The following CMIP variants were observed in gnomAD, a reference collection of about 807,000 sequenced individuals.
CMIP encodes the protein C-Maf-inducing protein.
Under a neutral mutation model 97.3 loss-of-function variants are expected in CMIP, and 13 were observed. The observed-to-expected ratio is 0.13, with a 90% confidence interval of 0.09 to 0.21. CMIP has a LOEUF of 0.21. Ranked by LOEUF, CMIP falls within the 10% of genes least tolerant of loss-of-function variation. CMIP has a pLI of 1.00. For synonymous variants in CMIP, 538 were observed against 436.3 expected (o/e 1.23, Z -2.91); for missense variants, 847 against 1,024.9 (o/e 0.83, Z 2.37).
chr16:81,562,505 C>T (rs970686397), intron 1 of CMIP, among the ~76,000 whole-genome samples: 1 of 152,260 alleles, frequency 6.6e-6, no homozygotes, highest in Non-Finnish European at 1.5e-5. Context: ...AGCTGCGGGC[C>T]TCTTGGACCA....
At chr16:81,576,129 C>T (rs1033457734) in intron 1 of CMIP, among the ~76,000 whole-genome samples, 8 of 152,124 alleles carry the variant, frequency 5.3e-5, no homozygotes, top group African/African-American at 9.7e-5. Context: ...TGCGTCTAGG[C>T]GCAGTGGCTC....
chr16:81,650,972 G>T (rs570072224), intron 3 of CMIP, among the ~76,000 whole-genome samples: 1 of 152,128 alleles, frequency 6.6e-6, no homozygotes, highest in Non-Finnish European at 1.5e-5. Context: ...GATAGCGGTG[G>T]GTCCCTTGAC....
At chr16:81,672,136 C>G (rs948173348) in intron 9 of CMIP, 66 bp downstream of exon 9, 2 of 922,078 alleles carry the variant, frequency 2.2e-6, no homozygotes, top group Non-Finnish European at 3.5e-6. Context: ...CCATCATGGG[C>G]AAAGTCACCA....
intron 1 of CMIP, among the ~76,000 whole-genome samples, chr16:81,586,951 T>A (rs1378467425): frequency 6.6e-6 from 1 of 152,192 alleles, no homozygotes. Flanking sequence ...TCTGGGGTGT[T>A]CCGGAATTCT....
chr16:81,474,398 C>G (rs527333753), intron 1 of CMIP, among the ~76,000 whole-genome samples: 1 of 152,178 alleles, frequency 6.6e-6, no homozygotes, highest in African/African-American at 2.4e-5. Context: ...CTCTCTCTTT[C>G]CTTCACTCCC....
At chr16:81,609,601 T>C (rs9926468) in intron 2 of CMIP, among the ~76,000 whole-genome samples, 99,652 of 152,134 alleles carry the variant, frequency 0.66, 33,108 homozygotes, top group East Asian at 0.88. Flanking sequence ...GAGGCAACCG[T>C]GGAGGACTGG....
intron 1 of CMIP, among the ~76,000 whole-genome samples, chr16:81,521,848 G>T (rs1297366132): frequency 6.6e-6 from 1 of 152,122 alleles, no homozygotes; most frequent in Non-Finnish European, 1.5e-5. Flanking sequence ...AAAGGAGAAA[G>T]GTATCCTGAG....
At position 81,461,778 on chromosome 16, in the gene CMIP, T is replaced by A. The variant is rs141025183; in HGVS notation, c.300+16237T>A. Among the ~76,000 whole-genome samples the A allele has an allele frequency of 8.5e-3, 1,293 of 152,340 alleles. 23 individuals are homozygous for A. Among genetic ancestry groups the A allele is most frequent in the African/African-American group, 0.029 (1,226 of 41,568 alleles). ...ACATCCCAGCAATGCCTCTTGTTGCTTGTAACTCTGGGTAGATCACATGAG... is the reference window on the plus strand; with the variant it reads ...ACATCCCAGCAATGCCTCTTGTTGCATGTAACTCTGGGTAGATCACATGAG... On this transcript the variant is annotated intron_variant, in intron 1 of 20. Coordinates refer to ENST00000537098, the MANE Select transcript of CMIP (RefSeq NM_198390.3).
chr16:81,623,896 G>T (rs983250265), intron 3 of CMIP, among the ~76,000 whole-genome samples: 3 of 152,102 alleles, frequency 2.0e-5, no homozygotes, highest in African/African-American at 7.2e-5. Flanking sequence ...CAAGTGACTT[G>T]CCTACAGTTG....
intron 1 of CMIP, among the ~76,000 whole-genome samples, chr16:81,491,905 G>A (rs1268472978): frequency 6.6e-6 from 1 of 152,192 alleles, no homozygotes; most frequent in Non-Finnish European, 1.5e-5. Context: ...CGGAGATGAC[G>A]TTTTACCTAG....
chr16:81,528,444 G>A (rs540578720), intron 1 of CMIP, among the ~76,000 whole-genome samples: 4 of 152,310 alleles, frequency 2.6e-5, no homozygotes, highest in Admixed American at 2.6e-4. Context: ...TTGAAGCTGT[G>A]CTCATGCATT....
intron 1 of CMIP, among the ~76,000 whole-genome samples, chr16:81,465,863 G>T (rs1907171521): frequency 6.6e-6 from 1 of 152,214 alleles, no homozygotes; most frequent in South Asian, 2.1e-4. Flanking sequence ...GGTGTCAGGT[G>T]CCCGGCTGAG....
intron 3 of CMIP, among the ~76,000 whole-genome samples, chr16:81,648,828 A>G (rs1463702591): frequency 1.5e-5 from 2 of 137,138 alleles, no homozygotes; most frequent in Admixed American, 7.8e-5. Flanking sequence ...AAAGCCCTGA[A>G]GAGTTTAGGG....
chr16:81,588,229 G>A (rs749166786), intron 1 of CMIP, among the ~76,000 whole-genome samples: 10 of 152,190 alleles, frequency 6.6e-5, no homozygotes, highest in Non-Finnish European at 1.2e-4. Context: ...AGCAGAAAGG[G>A]AAAGACGGCT....
At position 81,691,854 on chromosome 16, in the gene CMIP, G is replaced by A; in HGVS notation, c.1454+14G>A. ...ATTCCCCAAAGAGTAAGTCCCGTGTGCATCCCCGGAGCCCTCCCACCTGTG... is the reference window on the plus strand; with the variant it reads ...ATTCCCCAAAGAGTAAGTCCCGTGTACATCCCCGGAGCCCTCCCACCTGTG... On this transcript the variant is annotated intron_variant, in intron 11 of 20. Transcript: ENST00000537098. The A allele has an allele frequency of 6.2e-7, 1 of 1,610,920 alleles. No individual in the cohort carries two copies.
chr16:81,642,717 G>A (rs1448138959), intron 3 of CMIP, among the ~76,000 whole-genome samples: 6 of 152,098 alleles, frequency 3.9e-5, no homozygotes, highest in Non-Finnish European at 7.4e-5. Context: ...TCAACATGGC[G>A]AAACCCTGTC....
intron 2 of CMIP, among the ~76,000 whole-genome samples, chr16:81,617,974 G>A (rs1311327102): frequency 6.6e-6 from 1 of 152,142 alleles, no homozygotes; most frequent in Non-Finnish European, 1.5e-5. Flanking sequence ...TTTTGTCTTT[G>A]CTTGGCCGTT....
intron 1 of CMIP, among the ~76,000 whole-genome samples, chr16:81,496,575 A>G (rs561315888): frequency 1.3e-5 from 2 of 152,246 alleles, no homozygotes; most frequent in Non-Finnish European, 2.9e-5. Flanking sequence ...CGATGTCTCA[A>G]AGTAGCAAAG....
In CMIP at chr16:81,667,793, AGAGAGAGTGTGTGTGT is replaced by A. The variant is rs1168193066; in HGVS notation, c.826-2347_826-2332del. On this transcript the variant is annotated intron_variant, in intron 7 of 20. Coordinates refer to ENST00000537098, the MANE Select transcript of CMIP (RefSeq NM_198390.3). ...GAGAGAGAGAGAGAGAGAGAGAGAG[AGAGAGAGTGTGTGTGT>A]GTGTGTGTGTGTGTGTGTGTGTGTG... 3.0e-3 allele frequency among the ~76,000 whole-genome samples: 271 copies of A among 89,532 alleles called. 1 individual carries two copies. The highest frequency in any genetic ancestry group is 0.011 in the African/African-American group (254 of 22,320). 58.7% of individuals were successfully genotyped at this position (89,532 alleles called of 152,430 possible).
Sources: allele counts gnomAD v4.1 joint callset (sites outside exome capture counted in the v4.1 genomes callset), GRCh38; gene constraint gnomAD v4.1.1; transcripts MANE v1.5; gene names NCBI Gene and HGNC (gene_info 2026-07-23, HGNC 2026-07-21).